Variants in KIF1A observed in about 807,000 individuals in gnomAD.
The protein encoded by KIF1A is kinesin family member 1A.
A neutral mutation model predicts 227.3 loss-of-function variants in KIF1A; 46 were observed. That is an observed-to-expected ratio of 0.20 (90% CI 0.16 to 0.26). The LOEUF (loss-of-function observed/expected upper bound fraction) is 0.26. Among genes scored for constraint, KIF1A ranks in the 10% least tolerant of loss-of-function variants. The probability of loss-of-function intolerance (pLI) is 1.00; values close to 1 mark genes in which losing one functional copy is unlikely to be tolerated. For synonymous variants in KIF1A, 1,022 were observed against 1,012.8 expected, an observed-to-expected ratio of 1.01 and a Z score of -0.17; for missense variants, 1,683 against 2,485.9, an observed-to-expected ratio of 0.68 and a Z score of 6.87.
chr2:240,769,011 C>T (rs2051574193), intron 17 of KIF1A, 122 bp downstream of exon 17: 1 of 839,568 alleles, frequency 1.2e-6, no homozygotes, highest in East Asian at 2.7e-5. Flanking sequence ...GCCCCAGTGC[C>T]TGGGCCAGAG....
At chr2:240,776,533 T>C (rs564911515) in intron 10 of KIF1A, among the ~76,000 whole-genome samples, 1 of 152,326 alleles carries the variant, frequency 6.6e-6, no homozygotes, top group African/African-American at 2.4e-5. Flanking sequence ...GCATCCTCCA[T>C]GCTCTTGCTG....
intron 4 of KIF1A, 107 bp from the exon 5 acceptor site, chr2:240,787,423 C>A: frequency 1.1e-6 from 1 of 934,892 alleles, no homozygotes. Flanking sequence ...TCCACCCTCT[C>A]AGGCCCCTCT....
rs546285365 is a variant in KIF1A at position 240,718,207 on chromosome 2, C to T, written c.5215-39G>A. ...CAGCTGGTGAGGAGGTGCCAGGCTC[C>T]GTGGTCAGCACACCACCCTCCTGCT... On this transcript the variant is annotated intron_variant, in intron 47 of 48. Coordinates refer to ENST00000498729, the MANE Select transcript of KIF1A (RefSeq NM_001244008.2). 1.6e-4 allele frequency: 221 copies of T among 1,407,142 alleles called. 1 individual carries two copies. In the South Asian group the frequency reaches 2.4e-3, roughly 16 times the overall value. 87.2% of individuals were successfully genotyped at this position (1,407,142 alleles called of 1,614,324 possible).
At chr2:240,724,257 C>T in intron 40 of KIF1A, 2 of 588,416 alleles carry the variant, frequency 3.4e-6, no homozygotes, top group Non-Finnish European at 6.2e-6. Context: ...GCTCAGGTGC[C>T]CATGGGGCTG....
In KIF1A at chr2:240,724,052, G is replaced by A. The variant is rs751039685; in HGVS notation, c.4257-16C>T. ...CACACGGTTACTGTGGGGAGTAGAA[G>A]GAGTGACATGCAGTCACCAGGCCCC... is the stretch of plus-strand genomic sequence containing the variant. On this transcript the variant is annotated splice_polypyrimidine_tract_variant and intron_variant, in intron 40 of 48. Transcript: ENST00000498729. 1.2e-6 allele frequency: 2 copies of A among 1,610,892 alleles called. No individual in the cohort carries two copies. Among genetic ancestry groups the A allele is most frequent in the Non-Finnish European group, 1.7e-6 (2 of 1,178,274 alleles).
chr2:240,758,644 A>G lies in KIF1A; in HGVS notation c.2445-147T>C. 1.3e-6 allele frequency: 1 copy of G among 768,828 alleles called. No individual in the cohort carries two copies. Among genetic ancestry groups the G allele is most frequent in the Non-Finnish European group, 1.9e-6 (1 of 530,160 alleles). The allele number at this position is 768,828 out of a possible 1,614,324, so 47.6% of individuals were successfully genotyped here. On this transcript the variant is annotated intron_variant, in intron 25 of 48. Transcript: ENST00000498729. The surrounding 1 kb of genome is among the most constrained non-coding windows in gnomAD (Gnocchi z 5.2). Reference sequence around the variant, plus strand: ...GTCATCAAGGTCCAGGGGGCTTGCTAGACAGACCCCCTCTGTGACCCTTAG... The same window carrying G: ...GTCATCAAGGTCCAGGGGGCTTGCTGGACAGACCCCCTCTGTGACCCTTAG...
Position 240,778,511 on chromosome 2 carries a change from T to TGCACACACACACACACAC in KIF1A, c.883-2586_883-2585insGTGTGTGTGTGTGTGTGC, listed in dbSNP as rs2053079562. 7.5e-6 allele frequency among the ~76,000 whole-genome samples: 1 copy of TGCACACACACACACACAC among 134,128 alleles called. No homozygotes were observed. The highest frequency in any genetic ancestry group is 1.6e-5 in the Non-Finnish European group (1 of 63,808). The allele number at this position is 134,128 out of a possible 152,430, so 88.0% of individuals were successfully genotyped here. On this transcript the variant is annotated intron_variant, in intron 10 of 48. Coordinates refer to ENST00000498729, the MANE Select transcript of KIF1A (RefSeq NM_001244008.2). The surrounding 1 kb of genome is among the most constrained non-coding windows in gnomAD (Gnocchi z 7.2). ...GGCGCTCGCAGCTCCCGCACAGCGTTACACACACACACACACACACACACA... is the reference window on the plus strand; with the variant it reads ...GGCGCTCGCAGCTCCCGCACAGCGTTGCACACACACACACACACACACACACACACACACACACACACA...
intron 1 of KIF1A, among the ~76,000 whole-genome samples, chr2:240,810,894 G>C (rs2057814078): frequency 6.6e-6 from 1 of 152,208 alleles, no homozygotes; most frequent in Non-Finnish European, 1.5e-5. Context: ...CCTCCCCAGG[G>C]TGATGTGGGT....
In KIF1A at chr2:240,774,386, G is replaced by A. The variant is rs562989245; in HGVS notation, c.959-125C>T. 4.2e-4 allele frequency: 181 copies of A among 433,050 alleles called. No individual in the cohort carries two copies. In the African/African-American group the frequency reaches 4.3e-3, roughly 10 times the overall value. 26.8% of individuals were successfully genotyped at this position (433,050 alleles called of 1,614,324 possible). ...GCCCAGAGAGGTAAACTGAGTCACA[G>A]GCTTACCCCCCCCCCCACCCCCACC... On this transcript the variant is annotated intron_variant, in intron 11 of 48. Coordinates refer to ENST00000498729, the MANE Select transcript of KIF1A (RefSeq NM_001244008.2).
intron 1 of KIF1A, among the ~76,000 whole-genome samples, chr2:240,807,116 G>GTGTA (rs1559545337): frequency 7.2e-6 from 1 of 139,696 alleles, no homozygotes; most frequent in African/African-American, 2.7e-5. Context: ...GTGTGTGTGT[G>GTGTA]TGTGTGTGTG....
intron 17 of KIF1A, 34 bp from the exon 18 acceptor site, chr2:240,767,379 G>C: frequency 6.4e-7 from 1 of 1,559,122 alleles, no homozygotes. Context: ...CTCTCTTGCA[G>C]AGGGGCAGGA....
At chr2:240,720,156 C>T (rs1272251412) in intron 45 of KIF1A, 4 of 422,514 alleles carry the variant, frequency 9.5e-6, no homozygotes, top group Non-Finnish European at 1.7e-5. Flanking sequence ...CCCCCAGGAA[C>T]CTCGGGGCCC....
Position 240,819,502 on chromosome 2 carries a change from C to A in KIF1A, c.-61+620G>T, listed in dbSNP as rs527650234. Reference sequence around the variant, plus strand: ...AACGAAGCGGGTGGCCAGGCCCCAACGCCGCAGCCCCCGCCCCGCCCGCCT... The same window carrying A: ...AACGAAGCGGGTGGCCAGGCCCCAAAGCCGCAGCCCCCGCCCCGCCCGCCT... On this transcript the variant is annotated intron_variant, in intron 1 of 48. Coordinates refer to ENST00000498729, the MANE Select transcript of KIF1A (RefSeq NM_001244008.2). Among the ~76,000 whole-genome samples the A allele has an allele frequency of 5.3e-4, 81 of 152,234 alleles. 2 individuals carry two copies. In the South Asian group the frequency reaches 0.014, roughly 27 times the overall value.
In KIF1A at chr2:240,760,661, C is replaced by T. The variant is rs1256596698; in HGVS notation, c.2444+4G>A. The T allele has an allele frequency of 1.3e-6, 2 of 1,491,488 alleles. No homozygotes were observed. The highest frequency in any genetic ancestry group is 1.8e-6 in the Non-Finnish European group (2 of 1,119,486). The allele number at this position is 1,491,488 out of a possible 1,614,324, so 92.4% of individuals were successfully genotyped here. On this transcript the variant is annotated splice_donor_region_variant and intron_variant, in intron 25 of 48. Transcript: ENST00000498729. ...CCATCCACCCAGCGGCCCTCCAGCC[C>T]CACCTGAGCTTCTCCAGCGTCCAGT...
At chr2:240,774,780 C>T (rs550848345) in intron 11 of KIF1A, among the ~76,000 whole-genome samples, 68 of 152,284 alleles carry the variant, frequency 4.5e-4, no homozygotes, top group African/African-American at 1.6e-3. Flanking sequence ...GTCTAGGTAA[C>T]CTCAGCCATC....
At position 240,725,001 on chromosome 2, in the gene KIF1A, G is replaced by T. The variant is rs949066790; in HGVS notation, c.4256+270C>A. The stretch of plus-strand genomic sequence containing the variant: ...ACAGGAGGCCCCAGGTGGGCACCCT[G>T]GGCCTGCCCCTCCTCCCATCCGCTG... On this transcript the variant is annotated intron_variant, in intron 40 of 48. Coordinates refer to ENST00000498729, the MANE Select transcript of KIF1A (RefSeq NM_001244008.2). The surrounding 1 kb of genome is among the most constrained non-coding windows in gnomAD (Gnocchi z 5.8). Among the ~76,000 whole-genome samples, 1 of 146,012 alleles carries T rather than the reference G, an allele frequency of 6.8e-6. No individual in the cohort carries two copies. The highest frequency in any genetic ancestry group is 1.5e-5 in the Non-Finnish European group (1 of 66,554).
intron 14 of KIF1A, among the ~76,000 whole-genome samples, chr2:240,771,693 G>T (rs1033442440): frequency 5.3e-5 from 8 of 152,148 alleles, no homozygotes; most frequent in African/African-American, 1.9e-4. Context: ...ACACCCCCGA[G>T]CTGTGGGGCC....
chr2:240,782,688 G>GGCT, intron 9 of KIF1A, 81 bp from the exon 10 acceptor site: 2 of 1,425,554 alleles, frequency 1.4e-6, no homozygotes, highest in Non-Finnish European at 1.9e-6. Flanking sequence ...CAGGCGGCCC[G>GGCT]GCTGCCTCGC....
chr2:240,788,041 C>A lies in KIF1A; in HGVS notation c.363+10G>T. 2 of 1,520,682 alleles carry A rather than the reference C, an allele frequency of 1.3e-6. No homozygotes were observed. Among genetic ancestry groups the A allele is most frequent in the South Asian group, 2.4e-5 (2 of 83,408 alleles). 94.2% of individuals were successfully genotyped at this position (1,520,682 alleles called of 1,614,324 possible). On this transcript the variant is annotated intron_variant, in intron 4 of 48. Coordinates refer to ENST00000498729, the MANE Select transcript of KIF1A (RefSeq NM_001244008.2). This position sits in a 1 kb window ranked among gnomAD's most constrained non-coding sequence, Gnocchi z 6.6. ...GCCAGGGCTGCCCCCGCCCGCCCCC[C>A]GCTTCGTGCCTGTGGGATGATGCCC...
Sources: allele counts gnomAD v4.1 joint callset (sites outside exome capture counted in the v4.1 genomes callset), GRCh38; gene constraint gnomAD v4.1.1; non-coding constraint Gnocchi (gnomAD v3.1); transcripts MANE v1.5; gene names NCBI Gene and HGNC (gene_info 2026-07-23, HGNC 2026-07-21).